Variants in RFC3 observed in about 807,000 individuals in gnomAD.
The protein encoded by RFC3 is A1 38 kDa subunit.
In RFC3, 41 loss-of-function variants were observed where a neutral mutation model predicts 45.1. That is an observed-to-expected ratio of 0.91 (90% CI 0.71 to 1.18). The LOEUF (loss-of-function observed/expected upper bound fraction) is 1.18, where lower values mean the gene tolerates loss of function less well. RFC3 is among the 50% of genes most tolerant of loss of function. The pLI is 0.00. For synonymous variants in RFC3, 149 were observed against 144.0 expected (o/e 1.03, Z -0.25); for missense variants, 423 against 428.1 (o/e 0.99, Z 0.10).
chr13:33,891,935 T>C (rs552853205), intron 8 of RFC3, among the ~76,000 whole-genome samples: 24 of 152,130 alleles, frequency 1.6e-4, no homozygotes, highest in African/African-American at 5.3e-4. Flanking sequence ...AGAAAATAAT[T>C]TCTAGGCACA....
chr13:33,882,587 A>C (rs1004561981), intron 8 of RFC3, among the ~76,000 whole-genome samples: 1 of 152,184 alleles, frequency 6.6e-6, no homozygotes, highest in Non-Finnish European at 1.5e-5. Flanking sequence ...TACAAACAGG[A>C]GGCAGGACCT....
At chr13:33,874,207 A>T (rs1360979917) in intron 8 of RFC3, among the ~76,000 whole-genome samples, 5 of 152,178 alleles carry the variant, frequency 3.3e-5, no homozygotes, top group Non-Finnish European at 4.4e-5. Context: ...TCTACCACAC[A>T]CTAATCATAG....
chr13:33,871,994 C>T (rs1291751533), intron 8 of RFC3, among the ~76,000 whole-genome samples: 1 of 152,154 alleles, frequency 6.6e-6, no homozygotes, highest in Non-Finnish European at 1.5e-5. Context: ...TTTCAAAGTC[C>T]TTTGGTTCTT....
At chr13:33,938,835 A>G (rs1338113181) in intron 8 of RFC3, among the ~76,000 whole-genome samples, 1 of 152,182 alleles carries the variant, frequency 6.6e-6, no homozygotes, top group African/African-American at 2.4e-5. Context: ...TAGCTACAAC[A>G]AAACAGTTTT....
intron 8 of RFC3, among the ~76,000 whole-genome samples, chr13:33,951,867 A>G (rs978074939): frequency 6.6e-6 from 1 of 152,228 alleles, no homozygotes; most frequent in Non-Finnish European, 1.5e-5. Flanking sequence ...ATGAAAGGGA[A>G]ATATTATTAT....
At chr13:33,909,247 A>C (rs925343262) in intron 8 of RFC3, among the ~76,000 whole-genome samples, 7 of 151,966 alleles carry the variant, frequency 4.6e-5, no homozygotes, top group African/African-American at 1.7e-4. Flanking sequence ...AGATATTTTA[A>C]ATTTCTAGTA....
chr13:33,824,299 G>C (rs947430576), intron 3 of RFC3, among the ~76,000 whole-genome samples: 1 of 152,168 alleles, frequency 6.6e-6, no homozygotes, highest in Non-Finnish European at 1.5e-5. Context: ...CTGATGAGCA[G>C]TGTGTCTAAA....
At chr13:33,861,415 G>T (rs574384314) in intron 8 of RFC3, among the ~76,000 whole-genome samples, 1 of 152,208 alleles carries the variant, frequency 6.6e-6, no homozygotes, top group South Asian at 2.1e-4. Flanking sequence ...ATCGCCTGAG[G>T]TCAGGAGTTT....
At chr13:33,873,437 T>G (rs1239536959) in intron 8 of RFC3, among the ~76,000 whole-genome samples, 1 of 152,218 alleles carries the variant, frequency 6.6e-6, no homozygotes, top group African/African-American at 2.4e-5. Flanking sequence ...CTGTTTTGAC[T>G]TCACTGTGGC....
rs546165755 is a variant in RFC3, at chr13:33,849,553, A to AT, written c.879+14347dup. 341 of 148,442 alleles carry AT rather than the reference A, an allele frequency of 2.3e-3. 2 individuals carry two copies. The highest frequency in any genetic ancestry group is 6.8e-3 in the African/African-American group (276 of 40,586). The allele number at this position is 148,442 out of a possible 1,614,324, so 9.2% of individuals were successfully genotyped here. On this transcript the variant is annotated intron_variant, in intron 8 of 8. Transcript: ENST00000434425. ...AGAGCCTTGTAGGACAATTGCAGTG[A>AT]TTTTTTTTTTTAAGTGAGAAAGGAT...
At chr13:33,884,239 C>T (rs940141125) in intron 8 of RFC3, among the ~76,000 whole-genome samples, 8 of 152,316 alleles carry the variant, frequency 5.3e-5, no homozygotes, top group East Asian at 3.9e-4. Context: ...TCTTTAGATG[C>T]GTGCTATAGA....
intron 8 of RFC3, among the ~76,000 whole-genome samples, chr13:33,910,656 A>C (rs1003517762): frequency 5.3e-5 from 8 of 152,244 alleles, no homozygotes; most frequent in Non-Finnish European, 1.5e-5. Flanking sequence ...AACAGCACTT[A>C]AAAACGCAAT....
chr13:33,878,542 G>A (rs1331915415), intron 8 of RFC3, among the ~76,000 whole-genome samples: 1 of 152,090 alleles, frequency 6.6e-6, no homozygotes, highest in East Asian at 1.9e-4. Context: ...TGAGGAGCAG[G>A]TATGGGGTAG....
In RFC3 at chr13:33,917,519, A is replaced by C. The variant is rs1593690446; in HGVS notation, c.880-48568A>C. On this transcript the variant is annotated intron_variant, in intron 8 of 8. Transcript: ENST00000434425. ...TTAGAGTTAAGCTAATGCTGCCAGC[A>C]GTGCCATTTTGGTTCCTTAGTTGCT... Among the ~76,000 whole-genome samples the C allele has an allele frequency of 2.6e-5, 4 of 152,246 alleles. No homozygotes were observed. In the South Asian group the frequency reaches 8.3e-4, roughly 32 times the overall value.
chr13:33,884,307 T>TATTC (rs1430650987), intron 8 of RFC3, among the ~76,000 whole-genome samples: 1 of 152,228 alleles, frequency 6.6e-6, no homozygotes, highest in African/African-American at 2.4e-5. Flanking sequence ...AGAAATTTTA[T>TATTC]ATTCACTTGT....
intron 8 of RFC3, among the ~76,000 whole-genome samples, chr13:33,872,553 G>A (rs1285412180): frequency 6.6e-6 from 1 of 152,110 alleles, no homozygotes; most frequent in African/African-American, 2.4e-5. Context: ...GACCAACATG[G>A]AGAAACCCCG....
chr13:33,873,743 A>T (rs2137574259), intron 8 of RFC3, among the ~76,000 whole-genome samples: 1 of 152,280 alleles, frequency 6.6e-6, no homozygotes, highest in Non-Finnish European at 1.5e-5. Context: ...GTTGTTGATG[A>T]TGAGGGTAAA....
At chr13:33,972,048 G>T in the RFC3 span, among the ~76,000 whole-genome samples, 1 of 152,200 alleles carries the variant, frequency 6.6e-6, no homozygotes, top group Non-Finnish European at 1.5e-5. Flanking sequence ...CTGGGCAATG[G>T]AGGTTGGCAG....
intron 8 of RFC3, among the ~76,000 whole-genome samples, chr13:33,925,820 A>G (rs935921185): frequency 8.6e-5 from 13 of 152,042 alleles, no homozygotes; most frequent in Admixed American, 6.6e-4. Flanking sequence ...CCACCACCAC[A>G]TATCTCCTGA....
Sources: allele counts gnomAD v4.1 joint callset (sites outside exome capture counted in the v4.1 genomes callset), GRCh38; gene constraint gnomAD v4.1.1; transcripts MANE v1.5; gene names NCBI Gene and HGNC (gene_info 2026-07-23, HGNC 2026-07-21).